Variants in RBKS observed in about 807,000 individuals in gnomAD.
RBKS encodes ribokinase.
In RBKS, 33 loss-of-function variants were observed where a neutral mutation model predicts 33.9. The observed-to-expected ratio is 0.97, with a 90% CI of 0.74 to 1.30. The LOEUF (loss-of-function observed/expected upper bound fraction) is 1.30, where lower values mean the gene tolerates loss of function less well. Among genes scored for constraint, RBKS ranks in the 50% most tolerant of loss-of-function variants. The probability of loss-of-function intolerance (pLI) is 0.00; values close to 1 mark genes in which losing one functional copy is unlikely to be tolerated. For missense variants in RBKS, 361 were observed against 392.6 expected (o/e 0.92, Z 0.68); for synonymous variants, 125 against 143.0 (o/e 0.87, Z 0.90).
intron 6 of RBKS, among the ~76,000 whole-genome samples, chr2:27,829,878 C>T (rs569125166): frequency 9.9e-5 from 15 of 152,276 alleles, no homozygotes; most frequent in African/African-American, 3.6e-4. Flanking sequence ...AAATATGCTT[C>T]AGGCAGCAGG....
chr2:27,884,838 G>C (rs1329703624), intron 1 of RBKS, among the ~76,000 whole-genome samples: 1 of 152,180 alleles, frequency 6.6e-6, no homozygotes, highest in Non-Finnish European at 1.5e-5. Context: ...CTCAAAGCAA[G>C]TTTTAGGACT....
At chr2:27,790,798 C>T (rs906740542) in intron 7 of RBKS, among the ~76,000 whole-genome samples, 8 of 152,112 alleles carry the variant, frequency 5.3e-5, no homozygotes, top group East Asian at 1.9e-4. Context: ...TGTGGAGATA[C>T]GAGAAGTCTT....
rs59698190 is a variant in RBKS at position 27,867,103 on chromosome 2, C to CAAAAA, written c.90-8537_90-8533dup. Among the ~76,000 whole-genome samples, 1,131 of 140,818 alleles carry CAAAAA rather than the reference C, an allele frequency of 8.0e-3. 17 individuals carry two copies. Among genetic ancestry groups the CAAAAA allele is most frequent in the African/African-American group, 0.028 (1,046 of 37,736 alleles). 92.4% of individuals were successfully genotyped at this position (140,818 alleles called of 152,430 possible). A position where few individuals can be genotyped will look rare whatever the true frequency, so the allele number is the denominator to read the frequency against. On this transcript the variant is annotated intron_variant, in intron 1 of 7. Transcript: ENST00000302188. ...TGAGTGACAGAGTAAGACCCTGTCT[C>CAAAAA]AAAAAAAAAAAAAATGCCTTTTTGC...
chr2:27,820,994 T>TAGTC (rs1166146127), intron 7 of RBKS, among the ~76,000 whole-genome samples: 3 of 135,244 alleles, frequency 2.2e-5, no homozygotes, highest in Non-Finnish European at 3.0e-5. Context: ...GAGCCGAGAC[T>TAGTC]GCGCCACTGC....
rs1460206522 is a variant in RBKS at position 27,890,020 on chromosome 2, T to C, written c.89+237A>G. ...TCTTTGGGGAGCGCTTTGAGTAATA[T>C]TAGAGCTTTCACTAAACCCTGGCCT... On this transcript the variant is annotated intron_variant, in intron 1 of 7. Coordinates refer to ENST00000302188, the MANE Select transcript of RBKS (RefSeq NM_022128.3). This position sits in a 1 kb window ranked among gnomAD's most constrained non-coding sequence, Gnocchi z 4.8. 6 of 460,828 alleles carry C rather than the reference T, an allele frequency of 1.3e-5. No individual in the cohort carries two copies. Among genetic ancestry groups the C allele is most frequent in the African/African-American group, 2.0e-5 (1 of 50,080 alleles). The allele number at this position is 460,828 out of a possible 1,614,324, so 28.5% of individuals were successfully genotyped here.
rs536020033 is a variant in RBKS, at chr2:27,882,376, G to A, written c.89+7881C>T. Among the ~76,000 whole-genome samples the A allele has an allele frequency of 1.6e-4, 25 of 152,248 alleles. No individual in the cohort carries two copies. The South Asian group carries it at 4.8e-3, about 29-fold the overall frequency. On this transcript the variant is annotated intron_variant, in intron 1 of 7. Transcript: ENST00000302188. ...GAAATACAAATCAAAACCACAATGA[G>A]ATACCATCTCATACCAGTCAGAATG... is the stretch of plus-strand genomic sequence containing the variant.
At chr2:27,805,413 T>C (rs1677877149) in intron 7 of RBKS, among the ~76,000 whole-genome samples, 1 of 152,150 alleles carries the variant, frequency 6.6e-6, no homozygotes, top group African/African-American at 2.4e-5. Flanking sequence ...TAAAATGATA[T>C]TTTTAGGACA....
intron 7 of RBKS, among the ~76,000 whole-genome samples, chr2:27,806,781 C>T (rs1222835522): frequency 6.6e-6 from 1 of 152,202 alleles, no homozygotes; most frequent in East Asian, 1.9e-4. Context: ...TAAACTTGAG[C>T]ATGCACTGGA....
At chr2:27,832,445 A>T (rs977230898) in intron 6 of RBKS, among the ~76,000 whole-genome samples, 3 of 152,234 alleles carry the variant, frequency 2.0e-5, no homozygotes, top group Admixed American at 6.5e-5. Flanking sequence ...CAAGGAAGGG[A>T]CTAAAATTAA....
chr2:27,794,285 G>A (rs981968445), intron 7 of RBKS, among the ~76,000 whole-genome samples: 13 of 145,366 alleles, frequency 8.9e-5, no homozygotes, highest in East Asian at 2.0e-4. Context: ...CAACAAGAGC[G>A]AAACTCCATC....
chr2:27,824,931 G>A (rs1678282813), intron 7 of RBKS, among the ~76,000 whole-genome samples: 1 of 152,140 alleles, frequency 6.6e-6, no homozygotes, highest in South Asian at 2.1e-4. Context: ...GAGCCCAGAA[G>A]TTTGAGACCA....
At chr2:27,847,164 T>A in intron 3 of RBKS, 60 bp from the exon 4 acceptor site, 1 of 998,066 alleles carries the variant, frequency 1.0e-6, no homozygotes, top group Non-Finnish European at 1.6e-6. Context: ...TAATTTATTT[T>A]AACAATTTCA....
At chr2:27,803,290 G>GTAAGT in intron 7 of RBKS, among the ~76,000 whole-genome samples, 1 of 152,340 alleles carries the variant, frequency 6.6e-6, no homozygotes. Flanking sequence ...TCATTATTGT[G>GTAAGT]TAAGTGCTGA....
At chr2:27,833,213 T>C (rs112884966) in intron 5 of RBKS, among the ~76,000 whole-genome samples, 6 of 152,204 alleles carry the variant, frequency 3.9e-5, no homozygotes, top group East Asian at 1.9e-4. Flanking sequence ...AAAGAGACGA[T>C]AGAAAATAAA....
chr2:27,840,307 A>G (rs1396360518), intron 5 of RBKS, among the ~76,000 whole-genome samples: 1 of 145,008 alleles, frequency 6.9e-6, no homozygotes, highest in East Asian at 2.4e-4. Context: ...CTCTTCTTGC[A>G]TATGAGAATG....
chr2:27,804,311 C>T (rs971062443), intron 7 of RBKS, among the ~76,000 whole-genome samples: 1 of 152,162 alleles, frequency 6.6e-6, no homozygotes, highest in African/African-American at 2.4e-5. Context: ...TCACCACAAT[C>T]TAATTTTAGA....
chr2:27,863,893 T>TA (rs1338074485), intron 1 of RBKS, among the ~76,000 whole-genome samples: 2 of 152,234 alleles, frequency 1.3e-5, no homozygotes, highest in Non-Finnish European at 1.5e-5. Flanking sequence ...TCTACCTCTG[T>TA]AAAAAAATCT....
chr2:27,783,759 T>C (rs1677333344), intron 7 of RBKS, among the ~76,000 whole-genome samples: 2 of 150,216 alleles, frequency 1.3e-5, no homozygotes, highest in Admixed American at 6.6e-5. Context: ...TACAAAAAAT[T>C]AGCCGGGCGA....
At chr2:27,858,328 T>C (rs1663900453) in intron 2 of RBKS, 111 bp downstream of exon 2, 1 of 1,001,612 alleles carries the variant, frequency 1.0e-6, no homozygotes, top group Non-Finnish European at 1.4e-6. Context: ...ATGTATTACA[T>C]GCCACTGAAC....
Sources: allele counts gnomAD v4.1 joint callset (sites outside exome capture counted in the v4.1 genomes callset), GRCh38; gene constraint gnomAD v4.1.1; non-coding constraint Gnocchi (gnomAD v3.1); transcripts MANE v1.5; gene names NCBI Gene and HGNC (gene_info 2026-07-23, HGNC 2026-07-21).